Variants in MLLT3 observed in about 807,000 individuals in gnomAD.
The protein encoded by MLLT3 is MLLT3 super elongation complex subunit.
MLLT3 carries 4 observed loss-of-function variants against 53.2 expected under a neutral mutation model. The observed-to-expected ratio is 0.08, with a 90% CI of 0.04 to 0.17. MLLT3 has a LOEUF of 0.17. Among genes scored for constraint, MLLT3 ranks in the 10% least tolerant of loss-of-function variants. MLLT3 has a pLI of 1.00. For synonymous variants in MLLT3, 283 were observed against 230.6 expected (o/e 1.23, Z -2.06); for missense variants, 569 against 684.0 (o/e 0.83, Z 1.87).
chr9:20,525,477 CA>C (rs1284569668), intron 2 of MLLT3, among the ~76,000 whole-genome samples: 4 of 152,152 alleles, frequency 2.6e-5, no homozygotes. Flanking sequence ...GCCTGGGCAA[CA>C]GTAAGACTCT....
intron 2 of MLLT3, among the ~76,000 whole-genome samples, chr9:20,566,296 C>A (rs1041581316): frequency 6.6e-6 from 1 of 151,066 alleles, no homozygotes; most frequent in East Asian, 1.9e-4. Context: ...GAGTGAGACT[C>A]CATCTCAAAA....
At chr9:20,372,897 TAA>T (rs1308417427) in intron 5 of MLLT3, among the ~76,000 whole-genome samples, 1 of 152,140 alleles carries the variant, frequency 6.6e-6, no homozygotes, top group Non-Finnish European at 1.5e-5. Context: ...CTGTCACACT[TAA>T]TAGATTACCA....
intron 2 of MLLT3, among the ~76,000 whole-genome samples, chr9:20,583,234 G>A (rs1341094241): frequency 6.6e-6 from 1 of 152,176 alleles, no homozygotes; most frequent in Non-Finnish European, 1.5e-5. Context: ...TAGAGATCGT[G>A]CTGATACCAA....
intron 2 of MLLT3, among the ~76,000 whole-genome samples, chr9:20,598,825 A>T (rs140499795): frequency 6.6e-6 from 1 of 152,344 alleles, no homozygotes; most frequent in East Asian, 1.9e-4. Flanking sequence ...AATTTAAGCA[A>T]ATCACAACAT....
At chr9:20,429,353 G>A (rs536617171) in intron 4 of MLLT3, among the ~76,000 whole-genome samples, 1 of 152,228 alleles carries the variant, frequency 6.6e-6, no homozygotes, top group South Asian at 2.1e-4. Context: ...GGGCAACAGG[G>A]TGACACCCTG....
At position 20,478,958 on chromosome 9, in the gene MLLT3, TGAGA is replaced by T. The variant is rs1466729223; in HGVS notation, c.194-22176_194-22173del. ...ACAATAGCAGCTGTGGGAATGCTCT[TGAGA>T]GACTTTACAAAGAATGAGATTGACA... is the stretch of plus-strand genomic sequence containing the variant. On this transcript the variant is annotated intron_variant, in intron 2 of 10. Transcript: ENST00000380338. Among the ~76,000 whole-genome samples, 6 of 152,240 alleles carry T rather than the reference TGAGA, an allele frequency of 3.9e-5. No homozygotes were observed. The East Asian group carries it at 9.7e-4, about 25-fold the overall frequency.
chr9:20,404,034 T>G (rs1053383784), intron 5 of MLLT3, among the ~76,000 whole-genome samples: 3 of 152,154 alleles, frequency 2.0e-5, no homozygotes, highest in African/African-American at 7.2e-5. Flanking sequence ...TTGCCCAGAC[T>G]GGTCTTGAAC....
chr9:20,503,997 A>G (rs987533500), intron 2 of MLLT3, among the ~76,000 whole-genome samples: 10 of 152,180 alleles, frequency 6.6e-5, no homozygotes, highest in African/African-American at 2.4e-4. Context: ...TAATACCACA[A>G]TGAGATATCA....
At chr9:20,428,685 T>G (rs1256367772) in intron 4 of MLLT3, among the ~76,000 whole-genome samples, 1 of 151,566 alleles carries the variant, frequency 6.6e-6, no homozygotes, top group Non-Finnish European at 1.5e-5. Flanking sequence ...AATAAAACAG[T>G]CAACAAAGCC....
At chr9:20,346,613 G>C in intron 10 of MLLT3, 39 bp from the exon 11 acceptor site, 1 of 1,598,336 alleles carries the variant, frequency 6.3e-7, no homozygotes, top group Non-Finnish European at 8.5e-7. Context: ...GCAATACGCA[G>C]CAAACATCAA....
intron 3 of MLLT3, among the ~76,000 whole-genome samples, chr9:20,451,423 T>C (rs1357314926): frequency 6.6e-6 from 1 of 152,228 alleles, no homozygotes; most frequent in Non-Finnish European, 1.5e-5. Flanking sequence ...CATCACTTTA[T>C]AGTCTACAAC....
At chr9:20,490,730 T>C (rs1417548659) in intron 2 of MLLT3, among the ~76,000 whole-genome samples, 1 of 152,210 alleles carries the variant, frequency 6.6e-6, no homozygotes, top group African/African-American at 2.4e-5. Context: ...AACAGAAAAT[T>C]AATGCGAGAA....
chr9:20,609,989 G>A (rs1366285693), intron 2 of MLLT3, among the ~76,000 whole-genome samples: 1 of 152,032 alleles, frequency 6.6e-6, no homozygotes, highest in Non-Finnish European at 1.5e-5. Context: ...ATAAAGGGTA[G>A]TTATTATTTC....
intron 2 of MLLT3, among the ~76,000 whole-genome samples, chr9:20,584,326 C>T (rs1819890335): frequency 1.3e-5 from 2 of 152,308 alleles, no homozygotes; most frequent in East Asian, 1.9e-4. Flanking sequence ...AACTTACCCA[C>T]ATTTTCCTAT....
chr9:20,612,045 T>A (rs1023870868), intron 2 of MLLT3, among the ~76,000 whole-genome samples: 4 of 152,168 alleles, frequency 2.6e-5, no homozygotes, highest in Non-Finnish European at 4.4e-5. Flanking sequence ...CTACCATGGT[T>A]ACCACCACTT....
At chr9:20,543,713 G>A (rs1385125416) in intron 2 of MLLT3, among the ~76,000 whole-genome samples, 1 of 151,722 alleles carries the variant, frequency 6.6e-6, no homozygotes, top group Admixed American at 6.6e-5. Context: ...AGAGGAGGAG[G>A]ACGGAGGAGG....
intron 2 of MLLT3, among the ~76,000 whole-genome samples, chr9:20,588,253 T>C (rs1487467178): frequency 3.3e-5 from 5 of 150,668 alleles, no homozygotes; most frequent in Non-Finnish European, 7.4e-5. Context: ...AGCCTTGTAG[T>C]ATAGTTTGAA....
intron 2 of MLLT3, among the ~76,000 whole-genome samples, chr9:20,577,484 C>T (rs1056282205): frequency 9.9e-5 from 15 of 152,150 alleles, no homozygotes; most frequent in African/African-American, 3.6e-4. Flanking sequence ...AACCCATGTA[C>T]CTTTTCAACA....
chr9:20,549,824 G>A (rs755110546), intron 2 of MLLT3, among the ~76,000 whole-genome samples: 4 of 152,268 alleles, frequency 2.6e-5, no homozygotes, highest in Admixed American at 6.5e-5. Flanking sequence ...AGATCTTTGC[G>A]CAGTGATCCA....
Sources: gnomAD v4.1 joint callset for allele counts (sites outside exome capture counted in the v4.1 genomes callset) on GRCh38, gnomAD v4.1.1 for gene constraint, MANE v1.5 for transcripts, NCBI Gene and HGNC (gene_info 2026-07-23, HGNC 2026-07-21) for gene names.